The following PMFBP1 variants were observed in gnomAD, a reference collection of about 807,000 sequenced individuals.
PMFBP1 encodes polyamine-modulated factor 1-binding protein 1.
In PMFBP1, 131 loss-of-function variants were observed where a neutral mutation model predicts 137.8. That is an observed-to-expected ratio of 0.95 (90% CI 0.82 to 1.10). The LOEUF (loss-of-function observed/expected upper bound fraction) is 1.10. Among genes scored for constraint, PMFBP1 ranks in the 50% least tolerant of loss-of-function variants. The pLI, the probability that PMFBP1 is intolerant of heterozygous loss-of-function variation, is 0.00. For synonymous variants in PMFBP1, 490 were observed against 450.4 expected, an observed-to-expected ratio of 1.09 and a Z score of -1.11; for missense variants, 1,199 against 1,175.4, an observed-to-expected ratio of 1.02 and a Z score of -0.29.
the PMFBP1 span, among the ~76,000 whole-genome samples, chr16:72,216,587 T>G: frequency 6.6e-6 from 1 of 152,290 alleles, no homozygotes; most frequent in South Asian, 2.1e-4. Flanking sequence ...TGTTGGTTTT[T>G]ATTGGCAGCC....
At chr16:72,226,094 A>G in the PMFBP1 span, among the ~76,000 whole-genome samples, 1 of 152,058 alleles carries the variant, frequency 6.6e-6, no homozygotes, top group East Asian at 1.9e-4. Flanking sequence ...CCAGCTGAAG[A>G]CTATACCCTA....
chr16:72,145,026 C>T (rs576989299), intron 5 of PMFBP1, among the ~76,000 whole-genome samples: 7 of 152,236 alleles, frequency 4.6e-5, no homozygotes, highest in Middle Eastern at 3.4e-3. Context: ...CTGCACCAAG[C>T]GGACCTAATA....
At chr16:72,215,442 A>G in the PMFBP1 span, among the ~76,000 whole-genome samples, 1 of 152,102 alleles carries the variant, frequency 6.6e-6, no homozygotes, top group African/African-American at 2.4e-5. Flanking sequence ...CAGGATAATC[A>G]TATCAGAAGA....
At chr16:72,235,730 C>A in the PMFBP1 span, among the ~76,000 whole-genome samples, 2 of 123,604 alleles carry the variant, frequency 1.6e-5, no homozygotes, top group Non-Finnish European at 3.2e-5. Flanking sequence ...AATTTATTCC[C>A]AAGTTTAAAA....
intron 9 of PMFBP1, among the ~76,000 whole-genome samples, chr16:72,135,389 T>C (rs1432448403): frequency 6.6e-6 from 1 of 151,076 alleles, no homozygotes; most frequent in African/African-American, 2.4e-5. Context: ...GTTGTTGTTG[T>C]TTTTTTAAGT....
chr16:72,161,783 C>T (rs926346746), intron 3 of PMFBP1, among the ~76,000 whole-genome samples: 1 of 152,104 alleles, frequency 6.6e-6, no homozygotes, highest in African/African-American at 2.4e-5. Flanking sequence ...GTTCCAATAT[C>T]CAATCCAGGA....
At position 72,122,907 on chromosome 16, in the gene PMFBP1, G is replaced by T; in HGVS notation, c.2768+7C>A. 2 of 1,612,020 alleles carry T rather than the reference G, an allele frequency of 1.2e-6. No individual in the cohort carries two copies. Among genetic ancestry groups the T allele is most frequent in the South Asian group, 1.1e-5 (1 of 91,018 alleles). The stretch of plus-strand genomic sequence containing the variant: ...GGAAGCAGCCAGGGTGGTTTAAGAT[G>T]ACTTACTCCTTTTCGCCACTCAGCT... On this transcript the variant is annotated splice_region_variant and intron_variant, in intron 19 of 20. Transcript: ENST00000237353.
intron 2 of PMFBP1, among the ~76,000 whole-genome samples, chr16:72,165,656 G>A (rs1316132025): frequency 6.6e-6 from 1 of 152,044 alleles, no homozygotes; most frequent in Non-Finnish European, 1.5e-5. Context: ...CTGACCTCGT[G>A]ATGTGCCCAT....
the PMFBP1 span, among the ~76,000 whole-genome samples, chr16:72,237,795 C>G: frequency 1.3e-5 from 2 of 152,156 alleles, no homozygotes; most frequent in African/African-American, 2.4e-5. Context: ...TCTCCCTCCT[C>G]TCACCCTCCA....
chr16:72,170,300 G>A (rs1250338267), intron 2 of PMFBP1, among the ~76,000 whole-genome samples: 2 of 151,788 alleles, frequency 1.3e-5, no homozygotes, highest in Non-Finnish European at 2.9e-5. Flanking sequence ...TGGACTGCCT[G>A]TTTCAGAATC....
the PMFBP1 span, among the ~76,000 whole-genome samples, chr16:72,197,315 A>G: frequency 5.9e-5 from 9 of 152,242 alleles, no homozygotes; most frequent in Non-Finnish European, 1.2e-4. Context: ...TGACTAAGGT[A>G]AAAAAGCATG....
chr16:72,156,605 G>C (rs1171463759), intron 3 of PMFBP1, among the ~76,000 whole-genome samples: 1 of 151,334 alleles, frequency 6.6e-6, no homozygotes, highest in East Asian at 2.0e-4. Flanking sequence ...GAGCGACAGA[G>C]TGAGACTCTG....
chr16:72,239,134 T>C, the PMFBP1 span, among the ~76,000 whole-genome samples: 1 of 152,196 alleles, frequency 6.6e-6, no homozygotes, highest in Non-Finnish European at 1.5e-5. Flanking sequence ...AATAGTACCA[T>C]TGAAACTGAA....
chr16:72,187,243 A>G, the PMFBP1 span, among the ~76,000 whole-genome samples: 1 of 152,242 alleles, frequency 6.6e-6, no homozygotes, highest in Non-Finnish European at 1.5e-5. Flanking sequence ...CAATACTACA[A>G]TTTTGAATGG....
At chr16:72,210,305 T>TA in the PMFBP1 span, among the ~76,000 whole-genome samples, 2 of 152,218 alleles carry the variant, frequency 1.3e-5, no homozygotes, top group Non-Finnish European at 2.9e-5. Flanking sequence ...AGCAGACAGA[T>TA]GACTTATAGA....
intron 10 of PMFBP1, among the ~76,000 whole-genome samples, chr16:72,132,005 C>T (rs1001679706): frequency 6.6e-6 from 1 of 152,110 alleles, no homozygotes; most frequent in African/African-American, 2.4e-5. Context: ...ACCACCATGC[C>T]TGGCTAATTT....
intron 3 of PMFBP1, among the ~76,000 whole-genome samples, chr16:72,159,393 G>A (rs1378187955): frequency 6.6e-6 from 1 of 152,176 alleles, no homozygotes; most frequent in Non-Finnish European, 1.5e-5. Context: ...GGTCGTCTTG[G>A]ATCTTCTGGG....
At chr16:72,143,193 A>G (rs1246028363) in intron 5 of PMFBP1, among the ~76,000 whole-genome samples, 4 of 152,244 alleles carry the variant, frequency 2.6e-5, no homozygotes, top group Non-Finnish European at 5.9e-5. Flanking sequence ...AAGGATATTG[A>G]AAATAAGCCA....
the PMFBP1 span, among the ~76,000 whole-genome samples, chr16:72,215,913 A>G: frequency 6.6e-6 from 1 of 152,178 alleles, no homozygotes; most frequent in Non-Finnish European, 1.5e-5. Flanking sequence ...TATACTAACT[A>G]CCTTTACCCC....
Sources: allele counts gnomAD v4.1 joint callset (sites outside exome capture counted in the v4.1 genomes callset), GRCh38; gene constraint gnomAD v4.1.1; transcripts MANE v1.5; gene names NCBI Gene and HGNC (gene_info 2026-07-23, HGNC 2026-07-21).